The following FBXL17 variants were observed in gnomAD, a reference collection of about 807,000 sequenced individuals.
FBXL17 encodes F-box/LRR-repeat protein 17.
Under a neutral mutation model 66.2 loss-of-function variants are expected in FBXL17, and 22 were observed. The ratio of observed to expected loss-of-function variants is 0.33; its 90% CI spans 0.24 to 0.47. The LOEUF (loss-of-function observed/expected upper bound fraction) is 0.47. FBXL17 is among the 20% of genes least tolerant of loss of function. FBXL17 has a pLI of 1.00. For missense variants in FBXL17, 878 were observed against 948.2 expected (o/e 0.93, Z 0.97); for synonymous variants, 474 against 400.5 (o/e 1.18, Z -2.19).
chr5:107,933,740 G>T (rs961360569), intron 7 of FBXL17, among the ~76,000 whole-genome samples: 3 of 152,098 alleles, frequency 2.0e-5, no homozygotes, highest in Admixed American at 6.6e-5. Flanking sequence ...GTGAGGTAGT[G>T]TTAGGAATTT....
At chr5:108,194,943 A>T (rs1261730540) in intron 5 of FBXL17, among the ~76,000 whole-genome samples, 1 of 152,222 alleles carries the variant, frequency 6.6e-6, no homozygotes, top group Non-Finnish European at 1.5e-5. Flanking sequence ...ATTGATTTTT[A>T]AAAATCCAGT....
chr5:107,973,723 G>A (rs1413406726), intron 7 of FBXL17, among the ~76,000 whole-genome samples: 6 of 151,436 alleles, frequency 4.0e-5, no homozygotes, highest in African/African-American at 9.7e-5. Flanking sequence ...CTTTAATTCC[G>A]TCACCCAGGA....
chr5:108,106,195 G>A (rs1469321001), intron 6 of FBXL17, among the ~76,000 whole-genome samples: 1 of 152,154 alleles, frequency 6.6e-6, no homozygotes, highest in Non-Finnish European at 1.5e-5. Flanking sequence ...GAACAAGCAA[G>A]CAGGACAGGT....
intron 7 of FBXL17, among the ~76,000 whole-genome samples, chr5:107,975,348 A>G (rs920917760): frequency 3.3e-5 from 5 of 152,188 alleles, no homozygotes; most frequent in Non-Finnish European, 4.4e-5. Flanking sequence ...TTTTCATTAT[A>G]TAATGTTCTT....
intron 4 of FBXL17, among the ~76,000 whole-genome samples, chr5:108,240,435 G>T (rs1229248929): frequency 6.6e-6 from 1 of 152,132 alleles, no homozygotes; most frequent in African/African-American, 2.4e-5. Context: ...CTCCCTGTGG[G>T]CCTGTGGTAG....
chr5:108,194,777 T>C (rs1038741361), intron 5 of FBXL17, among the ~76,000 whole-genome samples: 5 of 152,174 alleles, frequency 3.3e-5, no homozygotes, highest in African/African-American at 9.7e-5. Context: ...CAAGTTAGGA[T>C]AACCAGCGAA....
chr5:108,286,299 GGC>G (rs951353383), intron 4 of FBXL17, among the ~76,000 whole-genome samples: 4 of 151,672 alleles, frequency 2.6e-5, no homozygotes, highest in African/African-American at 9.7e-5. Context: ...CAAGCAATTA[GGC>G]AAGAAAAAGG....
chr5:108,348,649 T>A, intron 3 of FBXL17, 119 bp from the exon 4 acceptor site: 4 of 1,005,500 alleles, frequency 4.0e-6, no homozygotes, highest in Non-Finnish European at 4.3e-6. Flanking sequence ...TTATGTTACT[T>A]GTAAAATAAG....
At chr5:107,876,880 G>A (rs1748629386) in intron 8 of FBXL17, among the ~76,000 whole-genome samples, 1 of 152,190 alleles carries the variant, frequency 6.6e-6, no homozygotes, top group Non-Finnish European at 1.5e-5. Context: ...AAAACAGAGG[G>A]AACATACTGC....
intron 1 of FBXL17, among the ~76,000 whole-genome samples, chr5:108,379,120 T>C (rs1196218518): frequency 6.6e-6 from 1 of 152,232 alleles, no homozygotes; most frequent in Non-Finnish European, 1.5e-5. Flanking sequence ...TTTATTTTAT[T>C]CTATTAGAGT....
chr5:108,120,226 A>G (rs1446555097), intron 6 of FBXL17, among the ~76,000 whole-genome samples: 1 of 152,210 alleles, frequency 6.6e-6, no homozygotes, highest in Admixed American at 6.5e-5. Context: ...AAACTAGTTT[A>G]AATCAGGTAG....
chr5:108,163,084 T>C (rs867295415), intron 6 of FBXL17, among the ~76,000 whole-genome samples: 1 of 152,324 alleles, frequency 6.6e-6, no homozygotes, highest in African/African-American at 2.4e-5. Flanking sequence ...ACCATTATGA[T>C]TCAGAGCATA....
intron 6 of FBXL17, among the ~76,000 whole-genome samples, chr5:108,090,752 A>G (rs189708825): frequency 6.6e-6 from 1 of 152,322 alleles, no homozygotes; most frequent in East Asian, 1.9e-4. Context: ...CCATACAAAA[A>G]CAGGCGTTGG....
chr5:107,890,409 C>T (rs566366610), intron 7 of FBXL17, among the ~76,000 whole-genome samples: 50 of 151,760 alleles, frequency 3.3e-4, no homozygotes, highest in African/African-American at 1.2e-3. Flanking sequence ...TGCCTATAAT[C>T]CCTGTACTTT....
At chr5:107,994,177 T>C (rs896767302) in intron 7 of FBXL17, among the ~76,000 whole-genome samples, 8 of 152,198 alleles carry the variant, frequency 5.3e-5, no homozygotes, top group Non-Finnish European at 8.8e-5. Context: ...CTAGGAAGTT[T>C]CTAATTTATT....
Position 108,381,591 on chromosome 5 carries a change from G to A in FBXL17, c.101C>T (p.Pro34Leu). Residue 34 changes from proline (P) to leucine (L), a missense_variant, in exon 1 of 9, where the codon CCC becomes CTC. Transcript: ENST00000542267. ...GGGCACCTTGGCTGGGGTCCGGCGG[G>A]GCAGCCTGAGGAGAGGGCGCCGGCG... The part of the protein sequence containing the change: ...CRRRRPLLRL[P>L]RRTPAKVPPQ... 2 of 1,461,604 alleles carry A rather than the reference G, an allele frequency of 1.4e-6. No homozygotes were observed. Among genetic ancestry groups the A allele is most frequent in the Non-Finnish European group, 1.8e-6 (2 of 1,113,462 alleles). 90.5% of individuals were successfully genotyped at this position (1,461,604 alleles called of 1,614,324 possible). A position where few individuals can be genotyped will look rare whatever the true frequency, so the allele number is the denominator to read the frequency against.
intron 3 of FBXL17, among the ~76,000 whole-genome samples, chr5:108,354,634 T>G (rs528548210): frequency 4.7e-5 from 7 of 150,510 alleles, no homozygotes; most frequent in African/African-American, 1.5e-4. Flanking sequence ...CCCAAGAAGT[T>G]CAGAGAATAC....
intron 6 of FBXL17, among the ~76,000 whole-genome samples, chr5:108,095,697 AT>A (rs1274953571): frequency 6.6e-6 from 1 of 152,146 alleles, no homozygotes; most frequent in Admixed American, 6.5e-5. Flanking sequence ...ATTAGAGACA[AT>A]AAATGGCAAA....
intron 1 of FBXL17, 30 bp from the exon 2 acceptor site, chr5:108,367,983 T>C (rs763211203): frequency 1.4e-5 from 21 of 1,527,522 alleles, no homozygotes; most frequent in Middle Eastern, 1.7e-4. Flanking sequence ...CCATATAATA[T>C]GTGCTAAACA....
Sources: allele counts gnomAD v4.1 joint callset (sites outside exome capture counted in the v4.1 genomes callset), GRCh38; gene constraint gnomAD v4.1.1; transcripts MANE v1.5; gene names NCBI Gene and HGNC (gene_info 2026-07-23, HGNC 2026-07-21).